The following SLC25A26 variants were observed in gnomAD, a reference collection of about 807,000 sequenced individuals.
The protein encoded by SLC25A26 is mitochondrial S-adenosylmethionine carrier protein.
In SLC25A26, 36 loss-of-function variants were observed where a neutral mutation model predicts 37.8. That is an observed-to-expected ratio of 0.95 (90% CI 0.73 to 1.26). The LOEUF is 1.26. Ranked by LOEUF, SLC25A26 falls within the 50% of genes most tolerant of loss-of-function variation. The probability of loss-of-function intolerance (pLI) is 0.00; values close to 1 mark genes in which losing one functional copy is unlikely to be tolerated. For missense variants in SLC25A26, 390 were observed against 331.1 expected, an observed-to-expected ratio of 1.18 and a Z score of -1.38; for synonymous variants, 129 against 122.5, an observed-to-expected ratio of 1.05 and a Z score of -0.35.
intron 5 of SLC25A26, among the ~76,000 whole-genome samples, chr3:66,325,494 G>A (rs961849352): frequency 6.6e-6 from 1 of 152,188 alleles, no homozygotes; most frequent in Non-Finnish European, 1.5e-5. Context: ...TAATTAGAAT[G>A]TAATGAGTGC....
At chr3:66,174,625 A>G (rs1395023722) in intron 1 of SLC25A26, among the ~76,000 whole-genome samples, 1 of 151,840 alleles carries the variant, frequency 6.6e-6, no homozygotes, top group African/African-American at 2.4e-5. Flanking sequence ...CTTAAAAAAA[A>G]CACAGAAAAA....
intron 5 of SLC25A26, among the ~76,000 whole-genome samples, chr3:66,312,948 C>T (rs1161741022): frequency 6.6e-6 from 1 of 152,112 alleles, no homozygotes; most frequent in Non-Finnish European, 1.5e-5. Context: ...CCTATTCAGC[C>T]ATCTTGCCAG....
At chr3:66,333,252 G>A (rs1575579373) in intron 5 of SLC25A26, among the ~76,000 whole-genome samples, 3 of 152,024 alleles carry the variant, frequency 2.0e-5, no homozygotes, top group East Asian at 1.9e-4. Flanking sequence ...CCTCTCCTCC[G>A]TCTTTTCATC....
chr3:66,326,106 A>G (rs1575569860), intron 5 of SLC25A26, among the ~76,000 whole-genome samples: 1 of 152,136 alleles, frequency 6.6e-6, no homozygotes, highest in African/African-American at 2.4e-5. Flanking sequence ...TGACACAACC[A>G]CCTGGATGCA....
chr3:66,233,659 T>C (rs536384962), intron 1 of SLC25A26, among the ~76,000 whole-genome samples: 1 of 152,290 alleles, frequency 6.6e-6, no homozygotes, highest in East Asian at 1.9e-4. Flanking sequence ...TGGATAAATA[T>C]ATAGGTATTC....
chr3:66,262,128 G>T lies in SLC25A26; in HGVS notation c.378G>T (p.Gln126His), dbSNP rs1050668352. Reference sequence around the variant, plus strand: ...TATCTGCTTCTACAAGAACATTTCAGATTTTCTCTAACATCTTATATGAAG... The same window carrying T: ...TATCTGCTTCTACAAGAACATTTCATATTTTCTCTAACATCTTATATGAAG... ...AQVSASTRTF[Q>H]IFSNILYEEG... The change falls in exon 4 of 10, where the codon CAG (glutamine) becomes CAT (histidine). Residue 126 changes from glutamine (Q) to histidine (H), a missense_variant. Coordinates refer to ENST00000354883, the MANE Select transcript of SLC25A26 (RefSeq NM_001379210.1). The T allele has an allele frequency of 2.5e-5, 40 of 1,569,930 alleles. No individual in the cohort carries two copies. The highest frequency in any genetic ancestry group is 3.2e-5 in the Non-Finnish European group (37 of 1,155,472).
At position 66,322,046 on chromosome 3, in the gene SLC25A26, C is replaced by T. The variant is rs531506681; in HGVS notation, c.454-24318C>T. Among the ~76,000 whole-genome samples, 120 of 152,256 alleles carry T rather than the reference C, an allele frequency of 7.9e-4. No homozygotes were observed. The South Asian group carries it at 8.7e-3, about 11-fold the overall frequency. On this transcript the variant is annotated intron_variant, in intron 5 of 9. Coordinates refer to ENST00000354883, the MANE Select transcript of SLC25A26 (RefSeq NM_001379210.1). ...TCCCATTCCATCCTGCCTCTCAACA[C>T]TGCCACATTGGGGATCAAATTTCCA...
chr3:66,367,317 G>C (rs961686465), intron 7 of SLC25A26, among the ~76,000 whole-genome samples: 1 of 152,146 alleles, frequency 6.6e-6, no homozygotes, highest in Non-Finnish European at 1.5e-5. Flanking sequence ...CCCAGTTCCA[G>C]AGTCAGTACA....
chr3:66,322,212 C>A (rs1393150483), intron 5 of SLC25A26, among the ~76,000 whole-genome samples: 4 of 152,114 alleles, frequency 2.6e-5, no homozygotes, highest in African/African-American at 9.7e-5. Context: ...AGCAAAGTGT[C>A]TTTTAAGGAA....
At position 66,136,013 on chromosome 3, in the gene SLC25A26, A is replaced by G. The variant is rs895670168; in HGVS notation, c.-354+2029A>G. Among the ~76,000 whole-genome samples, 9 of 152,362 alleles carry G rather than the reference A, an allele frequency of 5.9e-5. 1 individual carries two copies. In the South Asian group the frequency reaches 1.2e-3, roughly 21 times the overall value. Reference sequence around the variant, plus strand: ...AAGTTAACTTGAAAAGTGTTTTACTATAGATTTCTGTATTGATCACAACAA... The same window carrying G: ...AAGTTAACTTGAAAAGTGTTTTACTGTAGATTTCTGTATTGATCACAACAA... On this transcript the variant is annotated intron_variant, in intron 1 of 10. Coordinates refer to the SLC25A26 transcript ENST00000676754.
chr3:66,251,171 C>T (rs1362991233), intron 3 of SLC25A26, among the ~76,000 whole-genome samples: 1 of 152,048 alleles, frequency 6.6e-6, no homozygotes. Flanking sequence ...GGGCTGAGAG[C>T]TATAGGGCCT....
At chr3:66,174,703 G>A (rs1011544773) in intron 1 of SLC25A26, among the ~76,000 whole-genome samples, 5 of 151,642 alleles carry the variant, frequency 3.3e-5, no homozygotes, top group Non-Finnish European at 5.9e-5. Context: ...GGAGAATGAC[G>A]TGAACCCGGG....
At chr3:66,171,419 T>TA (rs1425958258) in intron 1 of SLC25A26, among the ~76,000 whole-genome samples, 3 of 152,230 alleles carry the variant, frequency 2.0e-5, no homozygotes. Context: ...AATAACCTTT[T>TA]AATAAACCTT....
chr3:66,177,884 A>T (rs897596591), intron 1 of SLC25A26, among the ~76,000 whole-genome samples: 4 of 152,210 alleles, frequency 2.6e-5, no homozygotes, highest in African/African-American at 9.6e-5. Context: ...TGACTTTTTC[A>T]TGCTGCTGGG....
intron 9 of SLC25A26, 130 bp from the exon 10 acceptor site, chr3:66,377,560 A>G: frequency 1.6e-6 from 1 of 626,888 alleles, no homozygotes; most frequent in Non-Finnish European, 2.8e-6. Context: ...CTTATTTGGG[A>G]GCGTTCACAA....
intron 1 of SLC25A26, among the ~76,000 whole-genome samples, chr3:66,140,477 A>G (rs1371540624): frequency 6.6e-6 from 1 of 152,144 alleles, no homozygotes; most frequent in African/African-American, 2.4e-5. Flanking sequence ...GCAAAATGGG[A>G]TTTCTAATCC....
chr3:66,226,603 C>T (rs539441831), intron 1 of SLC25A26, among the ~76,000 whole-genome samples: 8 of 152,246 alleles, frequency 5.3e-5, no homozygotes, highest in African/African-American at 1.4e-4. Context: ...CATGCACCAA[C>T]CACGCCTGGC....
chr3:66,213,952 A>G (rs1173375792), intron 1 of SLC25A26, among the ~76,000 whole-genome samples: 1 of 152,174 alleles, frequency 6.6e-6, no homozygotes, highest in Admixed American at 6.5e-5. Context: ...ATTATTCATT[A>G]AAAATGATCA....
At chr3:66,297,830 C>A (rs2074953775) in intron 5 of SLC25A26, among the ~76,000 whole-genome samples, 1 of 152,212 alleles carries the variant, frequency 6.6e-6, no homozygotes, top group South Asian at 2.1e-4. Flanking sequence ...GAATCCTAGA[C>A]TAGATCATCT....
Sources: gnomAD v4.1 joint callset for allele counts (sites outside exome capture counted in the v4.1 genomes callset) on GRCh38, gnomAD v4.1.1 for gene constraint, MANE v1.5 for transcripts, NCBI Gene and HGNC (gene_info 2026-07-23, HGNC 2026-07-21) for gene names.